The following ZNF385D variants were observed in gnomAD, a reference collection of about 807,000 sequenced individuals.
The protein encoded by ZNF385D is zinc finger protein 385D, also known as zinc finger protein 659.
Under a neutral mutation model 35.8 loss-of-function variants are expected in ZNF385D, and 15 were observed. That is an observed-to-expected ratio of 0.42 (90% CI 0.28 to 0.64). ZNF385D has a LOEUF of 0.64. ZNF385D is among the 30% of genes least tolerant of loss of function. The pLI is 0.23. For missense variants in ZNF385D, 474 were observed against 494.6 expected, an observed-to-expected ratio of 0.96 and a Z score of 0.39; for synonymous variants, 212 against 186.8, an observed-to-expected ratio of 1.13 and a Z score of -1.10.
intron 2 of ZNF385D, among the ~76,000 whole-genome samples, chr3:22,286,292 GT>G (rs1208465147): frequency 6.6e-6 from 1 of 151,978 alleles, no homozygotes; most frequent in Non-Finnish European, 1.5e-5. Context: ...AGCTAAACAA[GT>G]TTTTTCTTAG....
At chr3:21,647,658 T>C (rs959761671) in intron 2 of ZNF385D, among the ~76,000 whole-genome samples, 35 of 152,280 alleles carry the variant, frequency 2.3e-4, no homozygotes, top group African/African-American at 7.2e-4. Context: ...ACAGAATTAA[T>C]TGTAGTGGTA....
chr3:22,136,013 T>C (rs991876280), intron 3 of ZNF385D, among the ~76,000 whole-genome samples: 1 of 152,080 alleles, frequency 6.6e-6, no homozygotes, highest in Non-Finnish European at 1.5e-5. Flanking sequence ...GCTACAAAAT[T>C]AGTAAGAGAA....
chr3:22,332,786 C>A (rs1021975560), intron 2 of ZNF385D, among the ~76,000 whole-genome samples: 3 of 151,992 alleles, frequency 2.0e-5, no homozygotes, highest in Non-Finnish European at 1.5e-5. Context: ...GGAATTCAGA[C>A]TAATAATTGC....
chr3:22,351,222 G>A (rs1031577793), intron 2 of ZNF385D, among the ~76,000 whole-genome samples: 20 of 152,072 alleles, frequency 1.3e-4, no homozygotes, highest in African/African-American at 4.8e-4. Context: ...CATAAAGACA[G>A]TAATTTTAGC....
chr3:22,038,176 TAGGAGATA>T (rs1698454359), intron 3 of ZNF385D, among the ~76,000 whole-genome samples: 1 of 152,148 alleles, frequency 6.6e-6, no homozygotes, highest in African/African-American at 2.4e-5. Context: ...CTACGAAGTG[TAGGAGATA>T]ACAAGATGAA....
intron 2 of ZNF385D, among the ~76,000 whole-genome samples, chr3:22,257,575 A>G (rs1700381700): frequency 1.3e-5 from 2 of 151,796 alleles, no homozygotes; most frequent in African/African-American, 2.4e-5. Flanking sequence ...TTCAATCTAT[A>G]TATTTTAAGA....
At chr3:21,771,764 T>C (rs2071087040) in intron 3 of ZNF385D, among the ~76,000 whole-genome samples, 2 of 151,742 alleles carry the variant, frequency 1.3e-5, no homozygotes, top group African/African-American at 2.4e-5. Context: ...AGTAAGACCA[T>C]AAATAGCAAA....
At position 22,201,453 on chromosome 3, in the gene ZNF385D, A is replaced by C. The variant is rs146208926; in HGVS notation, c.107-32418T>G. The stretch of plus-strand genomic sequence containing the variant: ...ACATATACATGTAGAAGAAAGCTCT[A>C]AGTCTTTTATACGTCGGAAATAATT... On this transcript the variant is annotated intron_variant, in intron 2 of 5. Coordinates refer to the ZNF385D transcript ENST00000494108. Among the ~76,000 whole-genome samples, 7 of 152,276 alleles carry C rather than the reference A, an allele frequency of 4.6e-5. No homozygotes were observed. The East Asian group carries it at 1.4e-3, about 29-fold the overall frequency.
At chr3:21,846,549 C>T (rs1696017282) in intron 3 of ZNF385D, among the ~76,000 whole-genome samples, 1 of 151,982 alleles carries the variant, frequency 6.6e-6, no homozygotes, top group African/African-American at 2.4e-5. Flanking sequence ...TCTTTTCCTC[C>T]AGGCATATGA....
intron 2 of ZNF385D, among the ~76,000 whole-genome samples, chr3:22,177,568 C>A (rs1312075684): frequency 6.6e-6 from 1 of 152,070 alleles, no homozygotes; most frequent in Admixed American, 6.6e-5. Flanking sequence ...ATAATGTAGG[C>A]TAGACTGACT....
At chr3:21,809,638 A>G (rs139855504) in intron 3 of ZNF385D, among the ~76,000 whole-genome samples, 1,496 of 138,752 alleles carry the variant, frequency 0.011, 10 homozygotes, top group Non-Finnish European at 0.018. Flanking sequence ...ACATATATAC[A>G]CATATACATA....
At chr3:21,739,475 A>C (rs1186328625) in intron 1 of ZNF385D, among the ~76,000 whole-genome samples, 1 of 152,206 alleles carries the variant, frequency 6.6e-6, no homozygotes, top group Non-Finnish European at 1.5e-5. Context: ...AAGTTGTTAC[A>C]GAGCTCAGAG....
At chr3:21,684,386 CT>C (rs1488705577) in intron 1 of ZNF385D, among the ~76,000 whole-genome samples, 1 of 86,784 alleles carries the variant, frequency 1.2e-5, no homozygotes, top group Admixed American at 1.3e-4. Context: ...CTCTCTCTCT[CT>C]CTCTCTCTCT....
intron 1 of ZNF385D, among the ~76,000 whole-genome samples, chr3:21,712,563 G>T (rs959981040): frequency 3.3e-5 from 5 of 152,058 alleles, no homozygotes; most frequent in Admixed American, 6.5e-5. Flanking sequence ...TTTAAAAAAA[G>T]TCTGTCACTT....
At chr3:22,218,684 T>C (rs932575564) in intron 2 of ZNF385D, among the ~76,000 whole-genome samples, 2 of 152,142 alleles carry the variant, frequency 1.3e-5, no homozygotes, top group African/African-American at 4.8e-5. Flanking sequence ...CTCTTCACTC[T>C]TGATAGACTC....
intron 1 of ZNF385D, among the ~76,000 whole-genome samples, chr3:21,748,950 T>TC: frequency 6.6e-6 from 1 of 152,048 alleles, no homozygotes. Context: ...ACAGGTGGGC[T>TC]CCCAAAGTTG....
intron 1 of ZNF385D, among the ~76,000 whole-genome samples, chr3:21,712,085 G>A (rs1294641111): frequency 7.7e-6 from 1 of 129,940 alleles, no homozygotes; most frequent in Non-Finnish European, 1.6e-5. Context: ...TCTGCTACCA[G>A]CTACCACCAC....
intron 2 of ZNF385D, chr3:22,169,114 T>A: frequency 1.6e-6 from 1 of 637,768 alleles, no homozygotes; most frequent in Non-Finnish European, 2.0e-6. Flanking sequence ...GGGTGGCAAA[T>A]AAGGATTGTT....
intron 3 of ZNF385D, among the ~76,000 whole-genome samples, chr3:21,999,896 G>C (rs142459487): frequency 6.6e-6 from 1 of 152,242 alleles, no homozygotes; most frequent in Admixed American, 6.5e-5. Context: ...AGAGATGGGT[G>C]AAGGCAAAGA....
Sources: allele counts gnomAD v4.1 joint callset (sites outside exome capture counted in the v4.1 genomes callset), GRCh38; gene constraint gnomAD v4.1.1; transcripts MANE v1.5; gene names NCBI Gene and HGNC (gene_info 2026-07-23, HGNC 2026-07-21).